Variants in F2 observed in about 807,000 individuals in gnomAD.
The protein encoded by F2 is coagulation factor II, thrombin.
Under a neutral mutation model 81.9 loss-of-function variants are expected in F2, and 34 were observed. That is an observed-to-expected ratio of 0.42 (90% CI 0.32 to 0.55). F2 has a LOEUF of 0.55. Among genes scored for constraint, F2 ranks in the 20% least tolerant of loss-of-function variants. F2 has a pLI of 0.18. For synonymous variants in F2, 296 were observed against 326.4 expected, an observed-to-expected ratio of 0.91 and a Z score of 1.01; for missense variants, 630 against 833.4, an observed-to-expected ratio of 0.76 and a Z score of 3.00.
intron 6 of F2, among the ~76,000 whole-genome samples, chr11:46,725,394 T>A (rs2064865478): frequency 6.6e-6 from 1 of 152,024 alleles, no homozygotes; most frequent in Admixed American, 6.6e-5. Context: ...ATAGCAAGTT[T>A]ATCCCAACAA....
rs151121282 is a variant in F2, at chr11:46,719,856, G to A, written c.234G>A (p.Thr78=). 584 of 1,565,814 alleles carry A rather than the reference G, an allele frequency of 3.7e-4. No homozygotes were observed. Among genetic ancestry groups the A allele is most frequent in the Non-Finnish European group, 4.7e-4 (548 of 1,156,326 alleles). ...CCTTCGAGGCTCTGGAGTCCTCCAC[G>A]GCTACGGTGAGCCTGGGCTGCTCGG... The part of the protein sequence containing the change: ...EEAFEALESS[T]ATDVFWAKYT... The change falls in exon 2 of 14, where the codon ACG becomes ACA. Residue 78 remains threonine (T), a synonymous_variant. Transcript: ENST00000311907. This position sits in a 1 kb window ranked among gnomAD's most constrained non-coding sequence, Gnocchi z 4.7.
intron 11 of F2, 40 bp from the exon 12 acceptor site, chr11:46,729,340 G>C: frequency 1.2e-6 from 2 of 1,600,420 alleles, no homozygotes; most frequent in Non-Finnish European, 1.7e-6. Flanking sequence ...CGGCTCCTGT[G>C]GGGGTTGGCT....
intron 12 of F2, among the ~76,000 whole-genome samples, chr11:46,735,252 C>T (rs2064936944): frequency 6.6e-6 from 1 of 151,764 alleles, no homozygotes; most frequent in Non-Finnish European, 1.5e-5. Context: ...CCATCCTGGC[C>T]AACATGGTGA....
intron 12 of F2, among the ~76,000 whole-genome samples, chr11:46,737,180 C>T (rs371049873): frequency 2.6e-5 from 4 of 151,878 alleles, no homozygotes; most frequent in Admixed American, 2.0e-4. Flanking sequence ...CTCACTCTGT[C>T]GCCCAGGCTG....
chr11:46,733,559 C>A (rs1173551157), intron 12 of F2, among the ~76,000 whole-genome samples: 1 of 152,052 alleles, frequency 6.6e-6, no homozygotes, highest in African/African-American at 2.4e-5. Flanking sequence ...ACATGTATGT[C>A]ATTTTTTAGA....
chr11:46,735,756 C>T (rs1592419979), intron 12 of F2, among the ~76,000 whole-genome samples: 1 of 151,786 alleles, frequency 6.6e-6, no homozygotes, highest in East Asian at 1.9e-4. Flanking sequence ...AACCCTGTCT[C>T]TGCTAAAAAT....
intron 12 of F2, among the ~76,000 whole-genome samples, chr11:46,731,753 T>C (rs2064913187): frequency 6.6e-6 from 1 of 152,126 alleles, no homozygotes; most frequent in African/African-American, 2.4e-5. Flanking sequence ...CATGTCCTTC[T>C]TGGTGCATCC....
In F2 at chr11:46,727,966, G is replaced by C. The variant is rs553615064; in HGVS notation, c.1131-30G>C. 9 of 1,593,938 alleles carry C rather than the reference G, an allele frequency of 5.6e-6. No individual in the cohort carries two copies. In the South Asian group the frequency reaches 5.7e-5, roughly 10 times the overall value. ...TGTAGAGGCAGCCCCCTCATCCTCA[G>C]CTCCTAATGCTTCCTGCTGCCCCTC... On this transcript the variant is annotated intron_variant, in intron 9 of 13. Coordinates refer to ENST00000311907, the MANE Select transcript of F2 (RefSeq NM_000506.5).
Position 46,726,708 on chromosome 11 carries a change from C to T in F2, c.1004-3C>T, listed in dbSNP as rs768663836. 76 of 1,614,102 alleles carry T rather than the reference C, an allele frequency of 4.7e-5. No individual in the cohort carries two copies. The highest frequency in any genetic ancestry group is 5.8e-5 in the Non-Finnish European group (68 of 1,180,032). ...GCCCCTCACTGCTTGGCTTGCTCTG[C>T]AGACTGTGGGCTGCGACCTCTGTTC... On this transcript the variant is annotated splice_polypyrimidine_tract_variant and splice_region_variant and intron_variant, in intron 8 of 13. Coordinates refer to ENST00000311907, the MANE Select transcript of F2 (RefSeq NM_000506.5). The surrounding 1 kb of genome is among the most constrained non-coding windows in gnomAD (Gnocchi z 5.9).
In F2 at chr11:46,729,361, C is replaced by A. The variant is rs2064896077; in HGVS notation, c.1473-19C>A. The stretch of plus-strand genomic sequence containing the variant: ...CTGTGGGGGTTGGCTCTCACTAGGC[C>A]CTTCTTCCTTCCCCAAAGCTTGCTC... On this transcript the variant is annotated intron_variant, in intron 11 of 13. Transcript: ENST00000311907. 2 of 1,611,904 alleles carry A rather than the reference C, an allele frequency of 1.2e-6. No individual in the cohort carries two copies. The highest frequency in any genetic ancestry group is 1.7e-5 in the Admixed American group (1 of 59,956).
Position 46,728,166 on chromosome 11 carries a change from A to G in F2, c.1298+3A>G, listed in dbSNP as rs371936558. On this transcript the variant is annotated splice_donor_region_variant and intron_variant, in intron 10 of 13. Transcript: ENST00000311907. This position sits in a 1 kb window ranked among gnomAD's most constrained non-coding sequence, Gnocchi z 5.1. ...ATTGGCAAGCACTCCCGCACCAGGT[A>G]CAGAACTGGTGGCCCGTGGGTGTCT... The G allele has an allele frequency of 5.0e-5, 81 of 1,606,360 alleles. No individual in the cohort carries two copies. Among genetic ancestry groups the G allele is most frequent in the Non-Finnish European group, 6.6e-5 (78 of 1,177,144 alleles).
intron 4 of F2, among the ~76,000 whole-genome samples, chr11:46,721,052 T>G (rs565628399): frequency 2.0e-4 from 30 of 147,042 alleles, no homozygotes; most frequent in Admixed American, 6.1e-4. Context: ...TGAATTAATG[T>G]TTTTTTTTTT....
chr11:46,732,957 C>T, intron 12 of F2, among the ~76,000 whole-genome samples: 1 of 152,124 alleles, frequency 6.6e-6, no homozygotes, highest in Non-Finnish European at 1.5e-5. Context: ...CTGGCGTGTG[C>T]ACATTGCTAG....
rs1183194405 is a variant in F2 at position 46,719,773 on chromosome 11, G to A, written c.151G>A (p.Val51Met). 1 of 1,598,250 alleles carries A rather than the reference G, an allele frequency of 6.3e-7. No homozygotes were observed. Among genetic ancestry groups the A allele is most frequent in the Non-Finnish European group, 8.5e-7 (1 of 1,173,448 alleles). Residue 51 changes from valine to methionine, a missense_variant, in exon 2 of 14, where the codon GTG becomes ATG. Val to Met is a conservative substitution (Grantham distance 21). Coordinates refer to ENST00000311907, the MANE Select transcript of F2 (RefSeq NM_000506.5). This position sits in a 1 kb window ranked among gnomAD's most constrained non-coding sequence, Gnocchi z 4.7. ...VRRANTFLEE[V>M]RKGNLERECV... ...GCGAGCCAACACCTTCTTGGAGGAG[G>A]TGCGCAAGGGCAACCTGGAGCGAGA...
chr11:46,728,716 C>A lies in F2; in HGVS notation c.1351C>A (p.Pro451Thr), dbSNP rs763016866. 7 of 1,614,240 alleles carry A rather than the reference C, an allele frequency of 4.3e-6. No individual in the cohort carries two copies. The highest frequency in any genetic ancestry group is 5.9e-6 in the Non-Finnish European group (7 of 1,180,040). Residue 451 changes from proline to threonine, a missense_variant, in exon 11 of 14, where the codon CCC (proline) becomes ACC (threonine). Coordinates refer to ENST00000311907, the MANE Select transcript of F2 (RefSeq NM_000506.5). This position sits in a 1 kb window ranked among gnomAD's most constrained non-coding sequence, Gnocchi z 5.1. The part of the protein sequence containing the change: ...ISMLEKIYIH[P>T]RYNWRENLDR... Reference sequence around the variant, plus strand: ...CATGTTGGAAAAGATCTACATCCACCCCAGGTACAACTGGCGGGAGAACCT... The same window carrying A: ...CATGTTGGAAAAGATCTACATCCACACCAGGTACAACTGGCGGGAGAACCT...
At position 46,737,009 on chromosome 11, in the gene F2, T is replaced by C. The variant is rs573631093; in HGVS notation, c.1655-2039T>C. 5.9e-5 allele frequency among the ~76,000 whole-genome samples: 9 copies of C among 152,328 alleles called. No homozygotes were observed. The South Asian group carries it at 1.9e-3, about 32-fold the overall frequency. On this transcript the variant is annotated intron_variant, in intron 12 of 13. Transcript: ENST00000311907. The stretch of plus-strand genomic sequence containing the variant: ...TTCTTGACTGCTGCAATGTATTCTC[T>C]TATAATTTTTTCTATTGGTATCTTA...
intron 12 of F2, among the ~76,000 whole-genome samples, chr11:46,734,443 T>C (rs940699885): frequency 6.6e-6 from 1 of 152,184 alleles, no homozygotes; most frequent in East Asian, 1.9e-4. Flanking sequence ...TTTCTGGCCA[T>C]GCAGTTTAAA....
At chr11:46,721,554 C>T (rs2064836463) in intron 4 of F2, among the ~76,000 whole-genome samples, 1 of 152,230 alleles carries the variant, frequency 6.6e-6, no homozygotes, top group Non-Finnish European at 1.5e-5. Flanking sequence ...TCAATTTCCT[C>T]TGGAGCGACC....
rs1463946136 is a variant in F2 at position 46,728,097 on chromosome 11, C to T, written c.1232C>T (p.Pro411Leu). 13 of 1,610,818 alleles carry T rather than the reference C, an allele frequency of 8.1e-6. No individual in the cohort carries two copies. The highest frequency in any genetic ancestry group is 2.7e-5 in the African/African-American group (2 of 74,844). ...VLTAAHCLLYPPWDKNFTEND... is the reference protein window; with the variant it reads ...VLTAAHCLLYLPWDKNFTEND... ...ACCGCCGCCCACTGCCTCCTGTACC[C>T]GCCCTGGGACAAGAACTTCACCGAG... is the stretch of plus-strand genomic sequence containing the variant. Residue 411 changes from proline (P) to leucine (L), a missense_variant, in exon 10 of 14, where the codon CCG becomes CTG. Physicochemically the swap from Pro to Leu is moderately conservative, Grantham distance 98 (BLOSUM62 -3). Transcript: ENST00000311907. The surrounding 1 kb of genome is among the most constrained non-coding windows in gnomAD (Gnocchi z 5.1).
Sources: allele counts gnomAD v4.1 joint callset (sites outside exome capture counted in the v4.1 genomes callset), GRCh38; gene constraint gnomAD v4.1.1; non-coding constraint Gnocchi (gnomAD v3.1); transcripts MANE v1.5; gene names NCBI Gene and HGNC (gene_info 2026-07-23, HGNC 2026-07-21).